The following ATG2B variants were observed in gnomAD, a reference collection of about 807,000 sequenced individuals.
The protein encoded by ATG2B is autophagy-related protein 2 homolog B.
Under a neutral mutation model 241.3 loss-of-function variants are expected in ATG2B, and 121 were observed. The ratio of observed to expected loss-of-function variants is 0.50; its 90% CI spans 0.43 to 0.58. The LOEUF (loss-of-function observed/expected upper bound fraction) is 0.58. Ranked by LOEUF, ATG2B falls within the 20% of genes least tolerant of loss-of-function variation. The pLI is 0.00. For missense variants in ATG2B, 2,306 were observed against 2,491.6 expected (o/e 0.93, Z 1.59); for synonymous variants, 858 against 876.6 (o/e 0.98, Z 0.37).
At chr14:96,305,207 C>A (rs1247385338) in intron 31 of ATG2B, among the ~76,000 whole-genome samples, 2 of 152,160 alleles carry the variant, frequency 1.3e-5, no homozygotes, top group Non-Finnish European at 2.9e-5. Context: ...CAGTGCCCTG[C>A]TGAATGCTGG....
At chr14:96,342,579 G>A (rs551030575) in intron 5 of ATG2B, among the ~76,000 whole-genome samples, 6 of 151,810 alleles carry the variant, frequency 4.0e-5, no homozygotes, top group East Asian at 1.9e-4. Flanking sequence ...AAAATTAGCC[G>A]GGCATGGTAG....
intron 34 of ATG2B, among the ~76,000 whole-genome samples, chr14:96,299,231 G>T (rs1431189862): frequency 6.6e-6 from 1 of 152,032 alleles, no homozygotes; most frequent in East Asian, 1.9e-4. Context: ...CACCTGCCTA[G>T]CTCCACTGCA....
intron 23 of ATG2B, 61 bp from the exon 24 acceptor site, chr14:96,313,496 T>C: frequency 1.3e-6 from 1 of 784,922 alleles, no homozygotes; most frequent in Non-Finnish European, 2.0e-6. Context: ...TCATATAATA[T>C]CCTTAATACC....
rs1368476136 is a variant in ATG2B, at chr14:96,332,626, T to C, written c.1237A>G (p.Met413Val). Reference protein sequence around the residue: ...EEEVFFSMADMDMSHSLSSLP... With the variant: ...EEEVFFSMADVDMSHSLSSLP... ...GAAGAGAGACTATGAGACATGTCCA[T>C]ATCAGCCATGGAGAAGAATACTTCT... The change falls in exon 9 of 42, where the codon ATG (methionine) becomes GTG (valine). Residue 413 changes from methionine to valine, a missense_variant. This residue lies in a region of ATG2B where 1,927 missense variants were observed against 2,011.2 expected (regional missense o/e 0.96). Transcript: ENST00000359933. 3 of 1,587,594 alleles carry C rather than the reference T, an allele frequency of 1.9e-6. No individual in the cohort carries two copies. The highest frequency in any genetic ancestry group is 2.7e-5 in the African/African-American group (2 of 73,282).
chr14:96,306,399 A>G (rs1270778850), intron 30 of ATG2B, among the ~76,000 whole-genome samples: 1 of 152,182 alleles, frequency 6.6e-6, no homozygotes, highest in African/African-American at 2.4e-5. Flanking sequence ...CGATTCTTGG[A>G]CTAGCAATTC....
intron 31 of ATG2B, 53 bp from the exon 32 acceptor site, chr14:96,304,656 A>T: frequency 7.5e-7 from 1 of 1,340,474 alleles, no homozygotes; most frequent in Non-Finnish European, 1.1e-6. Context: ...ATATTCAAAG[A>T]AAGTCAATGA....
At chr14:96,340,574 G>C (rs919396796) in intron 6 of ATG2B, among the ~76,000 whole-genome samples, 2 of 151,924 alleles carry the variant, frequency 1.3e-5, no homozygotes, top group Non-Finnish European at 2.9e-5. Flanking sequence ...GAAATGAAGG[G>C]AAAAAGAATA....
chr14:96,322,869 T>C, intron 16 of ATG2B, 134 bp from the exon 17 acceptor site: 1 of 737,384 alleles, frequency 1.4e-6, no homozygotes, highest in Non-Finnish European at 2.1e-6. Flanking sequence ...AAAGTCTAAT[T>C]ATGTCTAAGG....
Position 96,341,514 on chromosome 14 carries a change from A to G in ATG2B, c.924+8T>C. ...GGTTTTACTACAGAAAGTGAAACAA[A>G]CACTGACCTTAGCTCCAGGAAGCAC... On this transcript the variant is annotated splice_region_variant and intron_variant, in intron 6 of 41. Transcript: ENST00000359933. The G allele has an allele frequency of 6.4e-7, 1 of 1,563,818 alleles. No individual in the cohort carries two copies. Among genetic ancestry groups the G allele is most frequent in the African/African-American group, 1.4e-5 (1 of 73,322 alleles).
Position 96,288,968 on chromosome 14 carries a change from G to A in ATG2B, c.6006+688C>T, listed in dbSNP as rs1886411119. ...GAGTTAAATGAGCACTCCCCATAGTGGTGTTTCAGGGGAAAAATGGAAACT... is the reference window on the plus strand; with the variant it reads ...GAGTTAAATGAGCACTCCCCATAGTAGTGTTTCAGGGGAAAAATGGAAACT... On this transcript the variant is annotated intron_variant, in intron 41 of 41. Coordinates refer to ENST00000359933, the MANE Select transcript of ATG2B (RefSeq NM_018036.7). Among the ~76,000 whole-genome samples the A allele has an allele frequency of 2.0e-5, 3 of 151,998 alleles. No homozygotes were observed. In the South Asian group the frequency reaches 6.2e-4, roughly 32 times the overall value.
At position 96,344,639 on chromosome 14, in the gene ATG2B, C is replaced by T. The variant is rs773606364; in HGVS notation, c.581+15G>A. 2 of 1,485,050 alleles carry T rather than the reference C, an allele frequency of 1.3e-6. No homozygotes were observed. Among genetic ancestry groups the T allele is most frequent in the South Asian group, 2.4e-5 (2 of 83,958 alleles). The allele number at this position is 1,485,050 out of a possible 1,614,324, so 92.0% of individuals were successfully genotyped here. On this transcript the variant is annotated intron_variant, in intron 4 of 41. Transcript: ENST00000359933. ...TACAATAGGGTCATTTATTTTCAGACATAAGAATTCTTACCTTTCTATTCG... is the reference window on the plus strand; with the variant it reads ...TACAATAGGGTCATTTATTTTCAGATATAAGAATTCTTACCTTTCTATTCG...
intron 29 of ATG2B, among the ~76,000 whole-genome samples, chr14:96,308,282 A>ATATATATATATATTT (rs1566720002): frequency 5.4e-5 from 2 of 37,036 alleles, no homozygotes; most frequent in African/African-American, 1.0e-4. Flanking sequence ...ATATATATAT[A>ATATATATATATATTT]TTTTTTTTTT....
chr14:96,359,013 A>T (rs1475447906), intron 1 of ATG2B, among the ~76,000 whole-genome samples: 1 of 152,194 alleles, frequency 6.6e-6, no homozygotes, highest in Non-Finnish European at 1.5e-5. Context: ...TCTTGAACTG[A>T]AGATAATTTT....
rs1226683604 is a variant in ATG2B at position 96,283,322 on chromosome 14, C to T, written c.*2433G>A. ...TGACACCAACCCAACCACCCAGGCA[C>T]AGTGGCAGTTCAGAAAAGTATTGCT... is the stretch of plus-strand genomic sequence containing the variant. On this transcript the variant is annotated 3_prime_UTR_variant, in exon 42 of 42. Transcript: ENST00000359933. 6 of 152,206 alleles carry T rather than the reference C, an allele frequency of 3.9e-5. No individual in the cohort carries two copies. The highest frequency in any genetic ancestry group is 6.5e-5 in the Admixed American group (1 of 15,284). 9.4% of individuals were successfully genotyped at this position (152,206 alleles called of 1,614,324 possible).
chr14:96,303,283 A>G, intron 32 of ATG2B, 28 bp from the exon 33 acceptor site: 4 of 1,475,808 alleles, frequency 2.7e-6, no homozygotes, highest in Non-Finnish European at 3.6e-6. Flanking sequence ...AAGAACGCGG[A>G]ACAGTTCTTT....
At chr14:96,324,879 A>G (rs1302925176) in intron 15 of ATG2B, among the ~76,000 whole-genome samples, 2 of 152,062 alleles carry the variant, frequency 1.3e-5, no homozygotes, top group African/African-American at 4.8e-5. Context: ...AAGAAGGGGA[A>G]CTTTTGCAAA....
rs1566716994 is a variant in ATG2B at position 96,302,017 on chromosome 14, T to C, written c.5129A>G (p.Asn1710Ser). The change falls in exon 34 of 42, where the codon AAT (asparagine) becomes AGT (serine). Residue 1710 changes from asparagine (N) to serine (S), a missense_variant. This residue lies in a region of ATG2B where 379 missense variants were observed against 480.4 expected (regional missense o/e 0.79). Coordinates refer to ENST00000359933, the MANE Select transcript of ATG2B (RefSeq NM_018036.7). ...GCTCATGCTACAAACCTGGTCAATA[T>C]TGAGGCGGAGCGGCATCAGCGACAC... ...LRVSLMPLRL[N>S]IDQDALFFLK... 8 of 1,613,660 alleles carry C rather than the reference T, an allele frequency of 5.0e-6. No homozygotes were observed. The highest frequency in any genetic ancestry group is 6.8e-6 in the Non-Finnish European group (8 of 1,179,692).
At chr14:96,295,950 A>G (rs977648079) in intron 34 of ATG2B, among the ~76,000 whole-genome samples, 5 of 152,310 alleles carry the variant, frequency 3.3e-5, no homozygotes, top group Non-Finnish European at 7.3e-5. Flanking sequence ...ACCAACAATC[A>G]TGTGCTGGAC....
chr14:96,312,593 T>C (rs961665964), intron 25 of ATG2B, among the ~76,000 whole-genome samples: 1 of 151,962 alleles, frequency 6.6e-6, no homozygotes, highest in Non-Finnish European at 1.5e-5. Context: ...ACAAAACTTT[T>C]TTTTTAATCA....
Sources: allele counts gnomAD v4.1 joint callset (sites outside exome capture counted in the v4.1 genomes callset), GRCh38; gene constraint gnomAD v4.1.1; regional missense constraint gnomAD v4.1.1; transcripts MANE v1.5; gene names NCBI Gene and HGNC (gene_info 2026-07-23, HGNC 2026-07-21).